The following NAALADL2 variants were observed in gnomAD, a reference collection of about 807,000 sequenced individuals.
NAALADL2 encodes the protein N-acetylated alpha-linked acidic dipeptidase like 2.
In NAALADL2, 76 loss-of-function variants were observed where a neutral mutation model predicts 87.2. That is an observed-to-expected ratio of 0.87 (90% CI 0.72 to 1.05). NAALADL2 has a LOEUF of 1.05. Ranked by LOEUF, NAALADL2 falls within the 50% of genes least tolerant of loss-of-function variation. NAALADL2 has a pLI of 0.00. For missense variants in NAALADL2, 1,089 were observed against 945.8 expected (o/e 1.15, Z -1.99); for synonymous variants, 354 against 331.0 (o/e 1.07, Z -0.75).
chr3:174,807,894 A>T (rs921364735), intron 3 of NAALADL2, among the ~76,000 whole-genome samples: 2 of 101,808 alleles, frequency 2.0e-5, no homozygotes, highest in Admixed American at 1.1e-4. Context: ...TGTGTGAGAG[A>T]GAGAGATATG....
At chr3:175,603,819 C>G (rs906070066) in intron 10 of NAALADL2, among the ~76,000 whole-genome samples, 2 of 151,636 alleles carry the variant, frequency 1.3e-5, no homozygotes, top group African/African-American at 4.9e-5. Context: ...TGGCAAGACC[C>G]CATCTATAAA....
At chr3:175,291,367 TAAG>T (rs1755616136) in intron 4 of NAALADL2, among the ~76,000 whole-genome samples, 1 of 152,176 alleles carries the variant, frequency 6.6e-6, no homozygotes, top group African/African-American at 2.4e-5. Context: ...TGCATGTTTT[TAAG>T]AAGAATGATA....
At chr3:175,641,468 A>T (rs1436950443) in intron 11 of NAALADL2, among the ~76,000 whole-genome samples, 1 of 152,142 alleles carries the variant, frequency 6.6e-6, no homozygotes, top group Non-Finnish European at 1.5e-5. Flanking sequence ...TTTTATCTTC[A>T]GAGGCTGGGT....
At chr3:175,706,563 T>C (rs1739755076) in intron 11 of NAALADL2, among the ~76,000 whole-genome samples, 1 of 152,180 alleles carries the variant, frequency 6.6e-6, no homozygotes, top group Admixed American at 6.6e-5. Context: ...TTGTAGAAGA[T>C]AAAACTGCAG....
At chr3:175,147,605 C>T (rs9850223) in intron 2 of NAALADL2, among the ~76,000 whole-genome samples, 4,491 of 151,886 alleles carry the variant, frequency 0.03, 219 homozygotes, top group African/African-American at 0.1. Flanking sequence ...GGGGTATATA[C>T]TCAATAATGG....
At chr3:175,237,306 A>G (rs1054346003) in intron 3 of NAALADL2, among the ~76,000 whole-genome samples, 2 of 152,126 alleles carry the variant, frequency 1.3e-5, no homozygotes, top group Non-Finnish European at 2.9e-5. Context: ...ATTAAAATAT[A>G]TTCAGGCCTA....
At chr3:174,663,898 C>T (rs1725729315) in intron 2 of NAALADL2, among the ~76,000 whole-genome samples, 1 of 151,916 alleles carries the variant, frequency 6.6e-6, no homozygotes, top group Non-Finnish European at 1.5e-5. Flanking sequence ...AGCGATTCTC[C>T]TGCCTCAGCC....
chr3:175,199,833 TA>T (rs1277355949), intron 2 of NAALADL2, among the ~76,000 whole-genome samples: 739 of 12,020 alleles, frequency 0.061, 13 homozygotes, highest in Middle Eastern at 0.077. Context: ...TATATATATA[TA>T]TATATATATA....
intron 3 of NAALADL2, chr3:175,235,907 A>T (rs1441066102): frequency 1.3e-5 from 2 of 152,170 alleles, no homozygotes; most frequent in African/African-American, 2.4e-5. Flanking sequence ...CAGTGGATTG[A>T]AGGTAGAATA....
chr3:174,838,348 G>T (rs534680859), intron 3 of NAALADL2, among the ~76,000 whole-genome samples: 3 of 152,176 alleles, frequency 2.0e-5, no homozygotes, highest in South Asian at 2.1e-4. Context: ...ATACCTCAAG[G>T]TAATAGAAGC....
chr3:174,531,445 G>A (rs1253364262), intron 1 of NAALADL2, among the ~76,000 whole-genome samples: 1 of 152,038 alleles, frequency 6.6e-6, no homozygotes, highest in Non-Finnish European at 1.5e-5. Flanking sequence ...CCACGTAAAG[G>A]CCATCTCTCC....
chr3:175,047,977 T>C (rs749299519), intron 1 of NAALADL2, among the ~76,000 whole-genome samples: 1 of 152,188 alleles, frequency 6.6e-6, no homozygotes, highest in Non-Finnish European at 1.5e-5. Flanking sequence ...ATGACTCCAA[T>C]TTCATAGCCA....
chr3:174,465,289 C>T (rs569429871), intron 1 of NAALADL2, among the ~76,000 whole-genome samples: 109 of 152,174 alleles, frequency 7.2e-4, no homozygotes, highest in African/African-American at 2.5e-3. Context: ...CTGTATATAT[C>T]AGCACAATTA....
intron 2 of NAALADL2, among the ~76,000 whole-genome samples, chr3:174,653,831 T>C (rs1724625711): frequency 6.6e-6 from 1 of 152,168 alleles, no homozygotes; most frequent in Admixed American, 6.5e-5. Flanking sequence ...TATTGATTTA[T>C]AATTTTAAGG....
chr3:175,179,385 G>C (rs538463185), intron 2 of NAALADL2, among the ~76,000 whole-genome samples: 4 of 152,002 alleles, frequency 2.6e-5, no homozygotes, highest in African/African-American at 9.6e-5. Context: ...AGGATAGAGA[G>C]GGAGAAAAAA....
chr3:175,134,427 T>C (rs1460940814), intron 2 of NAALADL2, among the ~76,000 whole-genome samples: 1 of 140,740 alleles, frequency 7.1e-6, no homozygotes, highest in African/African-American at 2.9e-5. Context: ...GCTACTCAGC[T>C]TTTTTGGGGG....
chr3:174,671,154 T>C (rs927808135), intron 2 of NAALADL2, among the ~76,000 whole-genome samples: 2 of 152,128 alleles, frequency 1.3e-5, no homozygotes, highest in Non-Finnish European at 2.9e-5. Flanking sequence ...CTTTTCTTTA[T>C]AAATTACCCA....
chr3:174,470,783 G>T (rs1233761947), intron 1 of NAALADL2, among the ~76,000 whole-genome samples: 1 of 152,100 alleles, frequency 6.6e-6, no homozygotes, highest in Non-Finnish European at 1.5e-5. Context: ...GGTTGTAGGT[G>T]TGCAGCTTTA....
chr3:175,767,425 C>A (rs1748861341), intron 13 of NAALADL2: 1 of 151,904 alleles, frequency 6.6e-6, no homozygotes, highest in Non-Finnish European at 1.5e-5. Context: ...TATTTCCTCC[C>A]AGTCTACCTT....
Sources: gnomAD v4.1 joint callset for allele counts (sites outside exome capture counted in the v4.1 genomes callset) on GRCh38, gnomAD v4.1.1 for gene constraint, MANE v1.5 for transcripts, NCBI Gene and HGNC (gene_info 2026-07-23, HGNC 2026-07-21) for gene names.